The following TMTC3 variants were observed in gnomAD, a reference collection of about 807,000 sequenced individuals.
The protein encoded by TMTC3 is transmembrane O-mannosyltransferase targeting cadherins 3, also known as protein O-mannosyl-transferase TMTC3.
TMTC3 carries 52 observed loss-of-function variants against 92.2 expected under a neutral mutation model. That is an observed-to-expected ratio of 0.56 (90% CI 0.45 to 0.71). TMTC3 has a LOEUF of 0.71. Among genes scored for constraint, TMTC3 ranks in the 30% least tolerant of loss-of-function variants. The pLI, the probability that TMTC3 is intolerant of heterozygous loss-of-function variation, is 0.00. For missense variants in TMTC3, 896 were observed against 1,057.1 expected, an observed-to-expected ratio of 0.85 and a Z score of 2.11; for synonymous variants, 339 against 363.3, an observed-to-expected ratio of 0.93 and a Z score of 0.76.
chr12:88,192,572 G>T lies in TMTC3; in HGVS notation c.1707-32G>T, dbSNP rs372700580. 6 of 1,524,768 alleles carry T rather than the reference G, an allele frequency of 3.9e-6. No homozygotes were observed. The East Asian group carries it at 9.1e-5, about 23-fold the overall frequency. 94.5% of individuals were successfully genotyped at this position (1,524,768 alleles called of 1,614,324 possible). On this transcript the variant is annotated intron_variant, in intron 12 of 13. Transcript: ENST00000266712. ...ATCTACAAACTGAGATGGTAATGTTGTAAGTAAAGCTTGTGTTTGATTTTT... is the reference window on the plus strand; with the variant it reads ...ATCTACAAACTGAGATGGTAATGTTTTAAGTAAAGCTTGTGTTTGATTTTT...
At position 88,174,676 on chromosome 12, in the gene TMTC3, C is replaced by T; in HGVS notation, c.1269C>T (p.His423=). 3 of 1,612,460 alleles carry T rather than the reference C, an allele frequency of 1.9e-6. No individual in the cohort carries two copies. The highest frequency in any genetic ancestry group is 2.2e-5 in the East Asian group (1 of 44,682). Residue 423 remains histidine, a synonymous_variant, in exon 9 of 14, where the codon CAC becomes CAT. Transcript: ENST00000266712. The part of the protein sequence containing the change: ...VILTHSLKTF[H]RNWDWESEYT... ...TCACTCATTCCTTAAAAACATTCCA[C>T]AGAAATTGGGATTGGGAGTCTGAAT...
intron 8 of TMTC3, chr12:88,173,009 G>C (rs2138408066): frequency 7.3e-7 from 1 of 1,373,004 alleles, no homozygotes; most frequent in South Asian, 1.2e-5. Flanking sequence ...ATGAAAACAA[G>C]GATGTTACTG....
rs112229647 is a variant in TMTC3, at chr12:88,192,028, C to CTTTTTTTT, written c.1707-571_1707-564dup. ...CCAGCATTTTTCTTTTTTTTTTTTT[C>CTTTTTTTT]TTTTTTTTTTTTAAGAATGGTCGTA... On this transcript the variant is annotated intron_variant, in intron 12 of 13. Coordinates refer to ENST00000266712, the MANE Select transcript of TMTC3 (RefSeq NM_181783.4). Among the ~76,000 whole-genome samples the CTTTTTTTT allele has an allele frequency of 6.5e-4, 80 of 123,022 alleles. 1 individual carries two copies. Among genetic ancestry groups the CTTTTTTTT allele is most frequent in the African/African-American group, 2.1e-3 (70 of 33,290 alleles). 80.7% of individuals were successfully genotyped at this position (123,022 alleles called of 152,430 possible).
chr12:88,174,644 G>A lies in TMTC3; in HGVS notation c.1237G>A (p.Val413Met), dbSNP rs1565952418. ...KKLSWICLSM[V>M]ILTHSLKTFH... ...GCTATCCTGGATTTGTCTGTCTATG[G>A]TGATACTCACTCATTCCTTAAAAAC... The change falls in exon 9 of 14, where the codon GTG becomes ATG. Residue 413 changes from valine (V) to methionine (M), a missense_variant. Coordinates refer to ENST00000266712, the MANE Select transcript of TMTC3 (RefSeq NM_181783.4). 1 of 1,612,214 alleles carries A rather than the reference G, an allele frequency of 6.2e-7. No homozygotes were observed. Among genetic ancestry groups the A allele is most frequent in the East Asian group, 2.2e-5 (1 of 44,678 alleles).
chr12:88,171,005 C>A (rs1032775191), intron 7 of TMTC3, among the ~76,000 whole-genome samples: 1 of 152,002 alleles, frequency 6.6e-6, no homozygotes, highest in Non-Finnish European at 1.5e-5. Flanking sequence ...TAAAGGGGGG[C>A]AGTTTTATTT....
intron 10 of TMTC3, among the ~76,000 whole-genome samples, chr12:88,183,090 C>T (rs532310635): frequency 7.2e-5 from 11 of 152,200 alleles, no homozygotes; most frequent in Admixed American, 1.3e-4. Flanking sequence ...GGCTGTTTGA[C>T]GGTTCTGTAT....
chr12:88,192,856 T>A (rs2041460008), intron 13 of TMTC3, 26 bp downstream of exon 13: 4 of 1,569,028 alleles, frequency 2.5e-6, no homozygotes, highest in Middle Eastern at 1.9e-4. Context: ...ATATTTCTGT[T>A]TATATAAATT....
At position 88,188,014 on chromosome 12, in the gene TMTC3, G is replaced by A. The variant is rs142518090; in HGVS notation, c.1433-829G>A. Among the ~76,000 whole-genome samples, 843 of 151,866 alleles carry A rather than the reference G, an allele frequency of 5.6e-3. 10 individuals are homozygous for A. Among genetic ancestry groups the A allele is most frequent in the Middle Eastern group, 0.02 (6 of 294 alleles). ...TCCTATCCCTGAATAAATTTGCTGG[G>A]ATTTTTACTTTCCACATCAGAAAAT... On this transcript the variant is annotated intron_variant, in intron 10 of 13. Coordinates refer to ENST00000266712, the MANE Select transcript of TMTC3 (RefSeq NM_181783.4).
chr12:88,169,939 A>G (rs1592736200), intron 7 of TMTC3, among the ~76,000 whole-genome samples: 1 of 32 alleles, frequency 0.031, no homozygotes, highest in Non-Finnish European at 0.083. Flanking sequence ...CCCTGTCAGA[A>G]AAAAAAAAAA....
At chr12:88,190,421 C>T (rs1262878031) in intron 11 of TMTC3, 32 bp from the exon 12 acceptor site, 3 of 1,598,490 alleles carry the variant, frequency 1.9e-6, no homozygotes, top group South Asian at 2.2e-5. Context: ...ACTGAAATAT[C>T]AAATCATGAA....
Position 88,172,586 on chromosome 12 carries a change from T to G in TMTC3, c.1051-11T>G. The G allele has an allele frequency of 1.5e-6, 2 of 1,345,744 alleles. No homozygotes were observed. The highest frequency in any genetic ancestry group is 1.9e-6 in the Non-Finnish European group (2 of 1,036,762). The allele number at this position is 1,345,744 out of a possible 1,614,324, so 83.4% of individuals were successfully genotyped here. On this transcript the variant is annotated splice_polypyrimidine_tract_variant and intron_variant, in intron 7 of 13. Coordinates refer to ENST00000266712, the MANE Select transcript of TMTC3 (RefSeq NM_181783.4). ...ATTATAAATTATTAAATCTTCTTTT[T>G]TTTTTTGTAGGCGCTTTGTTTAATG...
chr12:88,144,235 C>G (rs920191587), intron 1 of TMTC3, among the ~76,000 whole-genome samples: 1 of 152,112 alleles, frequency 6.6e-6, no homozygotes, highest in Non-Finnish European at 1.5e-5. Context: ...TAGGTCTCAC[C>G]CTTATTTTAC....
At position 88,194,709 on chromosome 12, in the gene TMTC3, T is replaced by C. The variant is rs2041487610; in HGVS notation, c.1934-129T>C. 1.2e-5 allele frequency: 8 copies of C among 647,672 alleles called. No individual in the cohort carries two copies. In the Admixed American group the frequency reaches 1.9e-4, roughly 16 times the overall value. The allele number at this position is 647,672 out of a possible 1,614,324, so 40.1% of individuals were successfully genotyped here. A position where few individuals can be genotyped will look rare whatever the true frequency, so the allele number is the denominator to read the frequency against. ...AGACTTCGAGATTTTTGCTTTCTAC[T>C]TTTTTTAACTATGGAAATTAGTTGT... On this transcript the variant is annotated intron_variant, in intron 13 of 13. Transcript: ENST00000266712.
At chr12:88,173,308 A>C (rs1463192964) in intron 8 of TMTC3, among the ~76,000 whole-genome samples, 1 of 151,960 alleles carries the variant, frequency 6.6e-6, no homozygotes, top group African/African-American at 2.4e-5. Flanking sequence ...TTATCAAATC[A>C]AGCAAATTGT....
At chr12:88,143,801 C>T (rs977367244) in intron 1 of TMTC3, among the ~76,000 whole-genome samples, 1 of 152,170 alleles carries the variant, frequency 6.6e-6, no homozygotes, top group Non-Finnish European at 1.5e-5. Flanking sequence ...GAGGTGCATA[C>T]ACCCCCATTG....
At position 88,148,283 on chromosome 12, in the gene TMTC3, TCCAG is replaced by T. The variant is rs1318022654; in HGVS notation, c.-28-4_-28-1del. The T allele has an allele frequency of 7.8e-6, 12 of 1,538,526 alleles. No individual in the cohort carries two copies. In the Admixed American group the frequency reaches 1.2e-4, roughly 15 times the overall value. On this transcript the variant is annotated splice_acceptor_variant and splice_polypyrimidine_tract_variant and intron_variant, in intron 1 of 13. Transcript: ENST00000266712. LOFTEE classifies it low-confidence loss of function (5UTR_SPLICE). ...CTTATTTTATCTTCATGATTTTTTT[TCCAG>T]TTTTTGTCCAGAAGTGCTTATAGAA...
At chr12:88,183,680 C>T (rs2041343971) in intron 10 of TMTC3, among the ~76,000 whole-genome samples, 1 of 152,044 alleles carries the variant, frequency 6.6e-6, no homozygotes, top group African/African-American at 2.4e-5. Flanking sequence ...GCTACTGGGA[C>T]CTGATATCCT....
At chr12:88,176,997 G>C (rs2041266487) in intron 10 of TMTC3, among the ~76,000 whole-genome samples, 1 of 152,072 alleles carries the variant, frequency 6.6e-6, no homozygotes, top group African/African-American at 2.4e-5. Context: ...ATGTGGTCAA[G>C]AAAGGATGGT....
chr12:88,160,970 T>A, intron 6 of TMTC3, 119 bp downstream of exon 6: 1 of 965,480 alleles, frequency 1.0e-6, no homozygotes, highest in Non-Finnish European at 1.5e-6. Flanking sequence ...AAGCTATAAT[T>A]AACATTTTTT....
Sources: allele counts gnomAD v4.1 joint callset (sites outside exome capture counted in the v4.1 genomes callset), GRCh38; gene constraint gnomAD v4.1.1; transcripts MANE v1.5; gene names NCBI Gene and HGNC (gene_info 2026-07-23, HGNC 2026-07-21).